Variants in SPAG1 observed in about 807,000 individuals in gnomAD.
SPAG1 encodes the protein sperm associated antigen 1, also known as sperm-associated antigen 1.
In SPAG1, 69 loss-of-function variants were observed where a neutral mutation model predicts 100.5. The ratio of observed to expected loss-of-function variants is 0.69; its 90% CI spans 0.57 to 0.84. The LOEUF (loss-of-function observed/expected upper bound fraction) is 0.84, where lower values mean the gene tolerates loss of function less well. Ranked by LOEUF, SPAG1 falls within the 40% of genes least tolerant of loss-of-function variation. SPAG1 has a pLI of 0.00. For missense variants in SPAG1, 955 were observed against 1,133.1 expected, an observed-to-expected ratio of 0.84 and a Z score of 2.26; for synonymous variants, 336 against 411.6, an observed-to-expected ratio of 0.82 and a Z score of 2.22.
Position 100,241,124 on chromosome 8 carries a change from A to C in SPAG1, c.*102A>C. ...TGCATGGATAAAACTTGGCCTAGAA[A>C]AGTTTGGTCTGCACTATAAAACATT... is the stretch of plus-strand genomic sequence containing the variant. On this transcript the variant is annotated 3_prime_UTR_variant, in exon 19 of 19. Coordinates refer to ENST00000388798, the MANE Select transcript of SPAG1 (RefSeq NM_003114.5). This position sits in a 1 kb window ranked among gnomAD's most constrained non-coding sequence, Gnocchi z 5.1. 1.6e-6 allele frequency: 2 copies of C among 1,220,224 alleles called. No individual in the cohort carries two copies. Among genetic ancestry groups the C allele is most frequent in the Non-Finnish European group, 1.1e-6 (1 of 872,548 alleles). The allele number at this position is 1,220,224 out of a possible 1,614,324, so 75.6% of individuals were successfully genotyped here. A position where few individuals can be genotyped will look rare whatever the true frequency, so the allele number is the denominator to read the frequency against.
chr8:100,166,022 T>C, intron 3 of SPAG1, 49 bp downstream of exon 3: 1 of 1,469,468 alleles, frequency 6.8e-7, no homozygotes, highest in Non-Finnish European at 9.3e-7. Context: ...ACATTCTATA[T>C]ATGTTTACTT....
chr8:100,177,786 C>CTA (rs1816192590), intron 3 of SPAG1, 30 bp from the exon 4 acceptor site: 5 of 1,280,782 alleles, frequency 3.9e-6, no homozygotes, highest in Non-Finnish European at 4.4e-6. Context: ...TTATTTCAAA[C>CTA]TATATATTTA....
At chr8:100,181,247 G>T (rs1399284041) in intron 4 of SPAG1, among the ~76,000 whole-genome samples, 1 of 151,930 alleles carries the variant, frequency 6.6e-6, no homozygotes, top group East Asian at 1.9e-4. Flanking sequence ...AGTCATAATT[G>T]ATAAAACTTG....
chr8:100,194,350 A>G (rs944821641), intron 10 of SPAG1, 82 bp downstream of exon 10: 1 of 1,545,340 alleles, frequency 6.5e-7, no homozygotes, highest in Non-Finnish European at 8.8e-7. Flanking sequence ...ATTCGTACAG[A>G]AATTCGTAAT....
intron 13 of SPAG1, 98 bp downstream of exon 13, chr8:100,220,529 GTTACTTT>G (rs1374644408): frequency 1.0e-6 from 1 of 1,000,536 alleles, no homozygotes; most frequent in Non-Finnish European, 1.5e-6. Context: ...TGTGTTATCA[GTTACTTT>G]TATCACCTGA....
At chr8:100,182,352 A>G (rs1586424289) in intron 4 of SPAG1, among the ~76,000 whole-genome samples, 2 of 152,234 alleles carry the variant, frequency 1.3e-5, no homozygotes, top group African/African-American at 4.8e-5. Flanking sequence ...AAGCTAGCCA[A>G]TCAGTCCTTC....
Position 100,240,266 on chromosome 8 carries a change from T to G in SPAG1, c.2281-137T>G, listed in dbSNP as rs567297099. On this transcript the variant is annotated intron_variant, in intron 17 of 18. Transcript: ENST00000388798. Reference sequence around the variant, plus strand: ...AAACTTCTCTTCCTAAAAAAAATTATTACAAAGTTTTCACTTGGAACTGGA... The same window carrying G: ...AAACTTCTCTTCCTAAAAAAAATTAGTACAAAGTTTTCACTTGGAACTGGA... 1.9e-5 allele frequency: 14 copies of G among 739,576 alleles called. No homozygotes were observed. The East Asian group carries it at 3.0e-4, about 16-fold the overall frequency. 45.8% of individuals were successfully genotyped at this position (739,576 alleles called of 1,614,324 possible).
chr8:100,191,600 G>T, intron 9 of SPAG1, 104 bp downstream of exon 9: 1 of 738,110 alleles, frequency 1.4e-6, no homozygotes, highest in South Asian at 1.8e-5. Context: ...TGAAGATCAG[G>T]TCACAGCTTT....
chr8:100,216,201 A>G (rs1817980856), intron 12 of SPAG1, among the ~76,000 whole-genome samples: 1 of 152,160 alleles, frequency 6.6e-6, no homozygotes. Context: ...GACCATGTGA[A>G]TTTGTTGGAT....
intron 10 of SPAG1, among the ~76,000 whole-genome samples, chr8:100,209,700 T>G (rs1311848523): frequency 6.6e-6 from 1 of 152,106 alleles, no homozygotes; most frequent in African/African-American, 2.4e-5. Flanking sequence ...GCAATACTTT[T>G]ATCTCCTTGG....
intron 10 of SPAG1, 30 bp from the exon 11 acceptor site, chr8:100,213,060 C>T: frequency 7.0e-7 from 1 of 1,420,916 alleles, no homozygotes. Flanking sequence ...GTGATGCAAA[C>T]CCTCACTTCC....
chr8:100,186,048 C>G (rs1816570982), intron 7 of SPAG1, among the ~76,000 whole-genome samples: 1 of 143,064 alleles, frequency 7.0e-6, no homozygotes. Flanking sequence ...ACTTTCTGAC[C>G]TTGGGCAGAT....
chr8:100,214,599 C>T (rs550244383), intron 12 of SPAG1, among the ~76,000 whole-genome samples: 2 of 152,146 alleles, frequency 1.3e-5, no homozygotes, highest in South Asian at 4.1e-4. Context: ...AGGTTAGGAA[C>T]CATGTCTTTT....
intron 16 of SPAG1, among the ~76,000 whole-genome samples, chr8:100,237,072 G>T (rs1264434108): frequency 6.6e-6 from 1 of 151,966 alleles, no homozygotes; most frequent in Non-Finnish European, 1.5e-5. Flanking sequence ...GTTTGTTGTT[G>T]TTATTGTTTG....
intron 12 of SPAG1, among the ~76,000 whole-genome samples, chr8:100,214,988 CATATATATATATATAT>C (rs71274967): frequency 0.028 from 1,902 of 68,056 alleles, 46 homozygotes; most frequent in African/African-American, 0.031. Context: ...AAACTTTACT[CATATATATATATATAT>C]ATATATATAT....
intron 13 of SPAG1, among the ~76,000 whole-genome samples, chr8:100,220,924 T>C (rs535730836): frequency 6.6e-6 from 1 of 151,996 alleles, no homozygotes; most frequent in South Asian, 2.1e-4. Flanking sequence ...AATACAAAAA[T>C]TAGCCAGGTG....
chr8:100,237,296 G>T (rs1819050297), intron 16 of SPAG1, among the ~76,000 whole-genome samples: 1 of 152,100 alleles, frequency 6.6e-6, no homozygotes, highest in African/African-American at 2.4e-5. Flanking sequence ...GGTCAGGCTG[G>T]TCTCGAACTC....
chr8:100,191,962 AT>A (rs757655863), intron 9 of SPAG1, among the ~76,000 whole-genome samples: 2 of 152,206 alleles, frequency 1.3e-5, no homozygotes, highest in Non-Finnish European at 2.9e-5. Flanking sequence ...AAGAACTGAG[AT>A]TTTCCCCTGC....
In SPAG1 at chr8:100,239,367, A is replaced by T. The variant is rs374665257; in HGVS notation, c.2243A>T (p.Asn748Ile). The T allele has an allele frequency of 1.2e-5, 19 of 1,606,462 alleles. No homozygotes were observed. The African/African-American group carries it at 2.4e-4, about 20-fold the overall frequency. The stretch of plus-strand genomic sequence containing the variant: ...CTTAAGGATAAGACAGCACCATTCA[A>T]CAAAGAAAAGGAGAGAAGGAAAATT... The part of the protein sequence containing the change: ...LNLKDKTAPF[N>I]KEKERRKIEI... The change falls in exon 17 of 19, where the codon AAC becomes ATC. Residue 748 changes from asparagine to isoleucine, a missense_variant. Transcript: ENST00000388798. The surrounding 1 kb of genome is among the most constrained non-coding windows in gnomAD (Gnocchi z 5.0).
Sources: gnomAD v4.1 joint callset for allele counts (sites outside exome capture counted in the v4.1 genomes callset) on GRCh38, gnomAD v4.1.1 for gene constraint, Gnocchi (gnomAD v3.1) non-coding constraint, MANE v1.5 for transcripts, NCBI Gene and HGNC (gene_info 2026-07-23, HGNC 2026-07-21) for gene names.